The following SLIT3 variants were observed in gnomAD, a reference collection of about 807,000 sequenced individuals.
The protein encoded by SLIT3 is slit guidance ligand 3.
A neutral mutation model predicts 184.0 loss-of-function variants in SLIT3; 68 were observed. That is an observed-to-expected ratio of 0.37 (90% CI 0.30 to 0.45). The LOEUF is 0.45. Among genes scored for constraint, SLIT3 ranks in the 20% least tolerant of loss-of-function variants. The pLI is 1.00. For missense variants in SLIT3, 1,707 were observed against 2,026.0 expected, an observed-to-expected ratio of 0.84 and a Z score of 3.02; for synonymous variants, 831 against 828.6, an observed-to-expected ratio of 1.00 and a Z score of -0.05.
chr5:169,149,873 C>T (rs915726459), intron 4 of SLIT3, among the ~76,000 whole-genome samples: 2 of 152,148 alleles, frequency 1.3e-5, no homozygotes, highest in Non-Finnish European at 2.9e-5. Context: ...TAGATGAGAC[C>T]CTCTACTTTT....
At chr5:168,868,590 T>A (rs1346096636) in intron 5 of SLIT3, among the ~76,000 whole-genome samples, 2 of 151,620 alleles carry the variant, frequency 1.3e-5, no homozygotes, top group Non-Finnish European at 2.9e-5. Flanking sequence ...TCTACTAAAA[T>A]ACAAAAAATT....
chr5:168,662,401 T>TG lies in SLIT3; in HGVS notation c.*4052_*4053insC. 6.6e-6 allele frequency: 1 copy of TG among 152,364 alleles called. No homozygotes were observed. Among genetic ancestry groups the TG allele is most frequent in the South Asian group, 2.1e-4 (1 of 4,828 alleles). 9.4% of individuals were successfully genotyped at this position (152,364 alleles called of 1,614,324 possible). A position where few individuals can be genotyped will look rare whatever the true frequency, so the allele number is the denominator to read the frequency against. ...CTTTGTTTCTGGTGAAGGGAAAGGT[T>TG]AGATCATCCTGGTCCTGGCCTTTCC... On this transcript the variant is annotated 3_prime_UTR_variant, in exon 36 of 36. Coordinates refer to ENST00000519560, the MANE Select transcript of SLIT3 (RefSeq NM_003062.4).
chr5:168,732,029 T>C (rs190447067), intron 20 of SLIT3, among the ~76,000 whole-genome samples: 39 of 152,238 alleles, frequency 2.6e-4, no homozygotes, highest in African/African-American at 8.9e-4. Flanking sequence ...TATGATCTTA[T>C]ATCTAGAAAA....
At chr5:168,787,858 G>C (rs1756214421) in intron 11 of SLIT3, among the ~76,000 whole-genome samples, 1 of 152,124 alleles carries the variant, frequency 6.6e-6, no homozygotes, top group Admixed American at 6.5e-5. Context: ...GTGTGTGCTT[G>C]TGTTCAACTG....
At chr5:168,736,610 G>T (rs1763443503) in intron 20 of SLIT3, among the ~76,000 whole-genome samples, 1 of 150,726 alleles carries the variant, frequency 6.6e-6, no homozygotes, top group Non-Finnish European at 1.5e-5. Context: ...CCACTGACAG[G>T]TACCTATAGC....
intron 1 of SLIT3, among the ~76,000 whole-genome samples, chr5:169,253,231 T>C (rs1192624597): frequency 1.3e-5 from 2 of 152,182 alleles, no homozygotes; most frequent in Non-Finnish European, 2.9e-5. Context: ...AGATGGATGT[T>C]TGGGGACCTT....
intron 20 of SLIT3, among the ~76,000 whole-genome samples, chr5:168,734,086 G>A (rs1381682060): frequency 6.6e-6 from 1 of 152,188 alleles, no homozygotes; most frequent in African/African-American, 2.4e-5. Flanking sequence ...ACAATGTTCA[G>A]TATTTGGGTG....
intron 4 of SLIT3, among the ~76,000 whole-genome samples, chr5:169,149,979 A>T (rs1306712440): frequency 6.6e-6 from 1 of 152,230 alleles, no homozygotes; most frequent in African/African-American, 2.4e-5. Context: ...AGATGAAGAC[A>T]TCGAGGTTCT....
chr5:169,261,409 G>A (rs1459199993), intron 1 of SLIT3, among the ~76,000 whole-genome samples: 1 of 152,124 alleles, frequency 6.6e-6, no homozygotes, highest in African/African-American at 2.4e-5. Flanking sequence ...GTTAAAGCAT[G>A]TTTCAAGAGA....
At chr5:168,924,704 G>T (rs906694433) in intron 4 of SLIT3, among the ~76,000 whole-genome samples, 3 of 152,030 alleles carry the variant, frequency 2.0e-5, no homozygotes, top group Non-Finnish European at 4.4e-5. Context: ...GTAGAGATGG[G>T]GTTTTGCCAT....
intron 3 of SLIT3, among the ~76,000 whole-genome samples, chr5:169,240,031 G>T (rs77832722): frequency 1.3e-5 from 2 of 151,838 alleles, no homozygotes; most frequent in Admixed American, 6.6e-5. Context: ...TCTTCAACTC[G>T]GAGTATTTAG....
At chr5:168,772,673 C>T in intron 14 of SLIT3, 108 bp downstream of exon 14, 4 of 1,237,350 alleles carry the variant, frequency 3.2e-6, no homozygotes, top group Non-Finnish European at 4.6e-6. Context: ...AAAGATGCTC[C>T]CCAGGAGCCA....
chr5:168,914,567 G>A (rs1461805455), intron 4 of SLIT3, among the ~76,000 whole-genome samples: 1 of 152,228 alleles, frequency 6.6e-6, no homozygotes, highest in Non-Finnish European at 1.5e-5. Flanking sequence ...CTCCTGGGAA[G>A]TAGGACATTT....
intron 20 of SLIT3, among the ~76,000 whole-genome samples, chr5:168,746,709 GT>G (rs2113451656): frequency 8.2e-6 from 1 of 121,500 alleles, no homozygotes; most frequent in Non-Finnish European, 1.8e-5. Context: ...GTGGTGGTGT[GT>G]GGTGTGGGTG....
chr5:168,935,579 G>A (rs1376741765), intron 4 of SLIT3, among the ~76,000 whole-genome samples: 1 of 152,130 alleles, frequency 6.6e-6, no homozygotes, highest in Non-Finnish European at 1.5e-5. Flanking sequence ...TGGTCATGAC[G>A]CCACACTGAT....
intron 7 of SLIT3, 39 bp from the exon 8 acceptor site, chr5:168,817,502 G>A (rs1458804987): frequency 6.7e-7 from 1 of 1,496,332 alleles, no homozygotes; most frequent in East Asian, 2.5e-5. Flanking sequence ...ATGGTCACAG[G>A]TGAAGTGTGG....
chr5:168,748,174 T>C, intron 20 of SLIT3, 128 bp downstream of exon 20: 1 of 1,074,864 alleles, frequency 9.3e-7, no homozygotes, highest in African/African-American at 1.6e-5. Flanking sequence ...CTTGCTGGGA[T>C]CCATTCAAGT....
rs567311399 is a variant in SLIT3 at position 169,209,138 on chromosome 5, G to A, written c.342-15588C>T. 5.9e-5 allele frequency among the ~76,000 whole-genome samples: 9 copies of A among 152,214 alleles called. No individual in the cohort carries two copies. In the South Asian group the frequency reaches 6.2e-4, roughly 11 times the overall value. On this transcript the variant is annotated intron_variant, in intron 3 of 35. Coordinates refer to ENST00000519560, the MANE Select transcript of SLIT3 (RefSeq NM_003062.4). ...CATACAACCCCATCAAAAAGTAGGC[G>A]AAGGATATGGACAGATACTTCTCAA... is the stretch of plus-strand genomic sequence containing the variant.
chr5:168,719,161 C>T (rs867879851), intron 23 of SLIT3, among the ~76,000 whole-genome samples: 3 of 152,350 alleles, frequency 2.0e-5, no homozygotes, highest in Middle Eastern at 3.4e-3. Context: ...AATTGATCCT[C>T]CCACCTCAGC....
Sources: gnomAD v4.1 joint callset for allele counts (sites outside exome capture counted in the v4.1 genomes callset) on GRCh38, gnomAD v4.1.1 for gene constraint, MANE v1.5 for transcripts, NCBI Gene and HGNC (gene_info 2026-07-23, HGNC 2026-07-21) for gene names.